Variants in COL4A3 observed in about 807,000 individuals in gnomAD.
The protein encoded by COL4A3 is collagen alpha-3(IV) chain.
Under a neutral mutation model 217.4 loss-of-function variants are expected in COL4A3, and 135 were observed. The observed-to-expected ratio is 0.62, with a 90% CI of 0.54 to 0.72. COL4A3 has a LOEUF of 0.72. COL4A3 is among the 30% of genes least tolerant of loss of function. COL4A3 has a pLI of 0.00. For missense variants in COL4A3, 1,868 were observed against 2,119.9 expected, an observed-to-expected ratio of 0.88 and a Z score of 2.33; for synonymous variants, 690 against 736.3, an observed-to-expected ratio of 0.94 and a Z score of 1.02.
intron 1 of COL4A3, among the ~76,000 whole-genome samples, chr2:227,189,004 A>G (rs565088127): frequency 2.0e-5 from 3 of 152,298 alleles, no homozygotes; most frequent in Admixed American, 1.3e-4. Flanking sequence ...TGATGTCCAC[A>G]CTGAGACTGA....
chr2:227,280,348 G>GC (rs760014377), intron 29 of COL4A3, 92 bp from the exon 30 acceptor site: 3 of 1,426,886 alleles, frequency 2.1e-6, no homozygotes, highest in Non-Finnish European at 9.9e-7. Flanking sequence ...TAGTGGCTGT[G>GC]CAACAGGGAC....
Position 227,303,850 on chromosome 2 carries a change from T to G in COL4A3, c.3956-9T>G, listed in dbSNP as rs201899306. The G allele has an allele frequency of 1.2e-6, 2 of 1,613,894 alleles. No individual in the cohort carries two copies. The highest frequency in any genetic ancestry group is 1.7e-6 in the Non-Finnish European group (2 of 1,179,932). ...AGTGGAATCACACTGTGTCTTTGTTTGTTTTTAGGAGAAAAGGGTAATCCT... is the reference window on the plus strand; with the variant it reads ...AGTGGAATCACACTGTGTCTTTGTTGGTTTTTAGGAGAAAAGGGTAATCCT... On this transcript the variant is annotated splice_polypyrimidine_tract_variant and intron_variant, in intron 44 of 51. Coordinates refer to ENST00000396578, the MANE Select transcript of COL4A3 (RefSeq NM_000091.5).
intron 32 of COL4A3, among the ~76,000 whole-genome samples, chr2:227,283,433 C>A (rs1264596547): frequency 6.6e-6 from 1 of 152,114 alleles, no homozygotes; most frequent in Non-Finnish European, 1.5e-5. Context: ...AATCTAAGTT[C>A]AATTTGAGAC....
At chr2:227,228,209 C>G (rs1222539088) in intron 1 of COL4A3, among the ~76,000 whole-genome samples, 8 of 152,214 alleles carry the variant, frequency 5.3e-5, no homozygotes, top group Admixed American at 4.6e-4. Flanking sequence ...GTGACAGCAG[C>G]TTCAGGGCGG....
chr2:227,225,638 T>C (rs1484238185), intron 1 of COL4A3, among the ~76,000 whole-genome samples: 2 of 126,198 alleles, frequency 1.6e-5, no homozygotes, highest in Non-Finnish European at 3.3e-5. Context: ...GAGGTAGAGA[T>C]TTTTTTTTTT....
Position 227,312,241 on chromosome 2 carries a change from G to A in COL4A3, c.*371G>A, listed in dbSNP as rs1208867027. ...ACATTTGTCTTCTTTCTGTCTTTAA[G>A]ACTCAGGGAGGCTAAATCAGTGTTT... is the stretch of plus-strand genomic sequence containing the variant. On this transcript the variant is annotated 3_prime_UTR_variant, in exon 52 of 52. Transcript: ENST00000396578. 3.6e-6 allele frequency: 1 copy of A among 279,662 alleles called. No individual in the cohort carries two copies. Among genetic ancestry groups the A allele is most frequent in the Admixed American group, 5.0e-5 (1 of 20,090 alleles). 17.3% of individuals were successfully genotyped at this position (279,662 alleles called of 1,614,324 possible).
Position 227,280,446 on chromosome 2 carries a change from C to A in COL4A3, c.2230C>A (p.Pro744Thr), listed in dbSNP as rs1355241282. The stretch of plus-strand genomic sequence containing the variant: ...CACAATTTCTATGCTGTAGGGAGAA[C>A]CAGCAGTAGCCATGCCTGGAGGACC... ...KPGLPGAKGE[P>T]AVAMPGGPGT... The change falls in exon 30 of 52, where the codon CCA becomes ACA. Residue 744 changes from proline to threonine, a missense_variant. By Grantham distance (38) the Pro-to-Thr change is conservative. This residue lies in a region of COL4A3 where 1,503 missense variants were observed against 1,786.1 expected (regional missense o/e 0.84). Transcript: ENST00000396578. The A allele has an allele frequency of 6.2e-7, 1 of 1,614,032 alleles. No individual in the cohort carries two copies. Among genetic ancestry groups the A allele is most frequent in the Admixed American group, 1.7e-5 (1 of 60,018 alleles).
chr2:227,283,943 G>A, intron 33 of COL4A3, 87 bp downstream of exon 33: 5 of 1,226,038 alleles, frequency 4.1e-6, no homozygotes, highest in Non-Finnish European at 6.0e-6. Flanking sequence ...TTTCATTGGA[G>A]GGAAAAATAG....
Position 227,303,866 on chromosome 2 carries a change from G to T in COL4A3, c.3963G>T (p.Lys1321Asn). 2 of 1,614,050 alleles carry T rather than the reference G, an allele frequency of 1.2e-6. No homozygotes were observed. Among genetic ancestry groups the T allele is most frequent in the Non-Finnish European group, 1.7e-6 (2 of 1,180,006 alleles). Residue 1321 changes from lysine (K) to asparagine (N), a missense_variant, in exon 45 of 52, where the codon AAG becomes AAT. Physicochemically the swap from Lys to Asn is moderately conservative, Grantham distance 94 (BLOSUM62 0). Around this residue, in one of 2 missense-constraint regions of COL4A3, gnomAD observed 1,503 missense variants for 1,786.1 expected, o/e 0.84. Transcript: ENST00000396578. ...GTCTTTGTTTGTTTTTAGGAGAAAA[G>T]GGTAATCCTGGATTTCTAGGATCCA... ...FQGFPGVKGE[K>N]GNPGFLGSIG... is the part of the protein sequence containing the mutation.
intron 34 of COL4A3, 148 bp downstream of exon 34, chr2:227,284,493 C>T: frequency 1.1e-6 from 1 of 874,962 alleles, no homozygotes. Context: ...GGTGGCTGAG[C>T]AGGCCTTAGA....
In COL4A3 at chr2:227,193,612, T is replaced by C. The variant is rs1246030602; in HGVS notation, c.87+28799T>C. Among the ~76,000 whole-genome samples, 11 of 152,164 alleles carry C rather than the reference T, an allele frequency of 7.2e-5. No individual in the cohort carries two copies. The East Asian group carries it at 2.1e-3, about 29-fold the overall frequency. ...CTGTAATCCCAGCTACTTGGGAGGT[T>C]GAGGCAGGAGAATCTCTTGAACCAG... is the stretch of plus-strand genomic sequence containing the variant. On this transcript the variant is annotated intron_variant, in intron 1 of 51. Coordinates refer to ENST00000396578, the MANE Select transcript of COL4A3 (RefSeq NM_000091.5).
chr2:227,307,731 T>G lies in COL4A3; in HGVS notation c.4274T>G (p.Leu1425Trp). Reference sequence around the variant, plus strand: ...GAAGGACCAGCTGGATCAGATGGATTGCCAGGTTTGAAAGGAAAACGTGGA... The same window carrying G: ...GAAGGACCAGCTGGATCAGATGGATGGCCAGGTTTGAAAGGAAAACGTGGA... The part of the protein sequence containing the change: ...GEPGPAGSDG[L>W]PGLKGKRGDS... The change falls in exon 48 of 52, where the codon TTG becomes TGG. Residue 1425 changes from leucine (L) to tryptophan (W), a missense_variant. Coordinates refer to ENST00000396578, the MANE Select transcript of COL4A3 (RefSeq NM_000091.5). 1 of 1,614,172 alleles carries G rather than the reference T, an allele frequency of 6.2e-7. No homozygotes were observed. Among genetic ancestry groups the G allele is most frequent in the African/African-American group, 1.3e-5 (1 of 75,048 alleles).
At chr2:227,266,261 G>C (rs2070883476) in intron 21 of COL4A3, among the ~76,000 whole-genome samples, 156 bp from the exon 22 acceptor site, 2 of 152,060 alleles carry the variant, frequency 1.3e-5, no homozygotes, top group African/African-American at 2.4e-5. Flanking sequence ...GGGAAGAGCT[G>C]GTCACCATGC....
intron 42 of COL4A3, 27 bp from the exon 43 acceptor site, chr2:227,298,655 A>C: frequency 2.5e-6 from 4 of 1,613,016 alleles, no homozygotes; most frequent in Non-Finnish European, 3.4e-6. Flanking sequence ...CTGGCTGGCA[A>C]TACTGACAGA....
At chr2:227,184,589 T>G (rs2065957086) in intron 1 of COL4A3, among the ~76,000 whole-genome samples, 1 of 152,224 alleles carries the variant, frequency 6.6e-6, no homozygotes, top group Admixed American at 6.5e-5. Flanking sequence ...TTCCAAGTCT[T>G]TCTTTATTAA....
chr2:227,279,735 C>A, intron 28 of COL4A3, 58 bp from the exon 29 acceptor site: 2 of 1,229,040 alleles, frequency 1.6e-6, no homozygotes, highest in Non-Finnish European at 2.3e-6. Flanking sequence ...AGAGTTACTG[C>A]TCAGAATATT....
At chr2:227,200,287 G>A (rs925428754) in intron 1 of COL4A3, among the ~76,000 whole-genome samples, 1 of 152,088 alleles carries the variant, frequency 6.6e-6, no homozygotes, top group Non-Finnish European at 1.5e-5. Flanking sequence ...GAACATTCTT[G>A]AACATCCACT....
chr2:227,312,612 T>A lies in COL4A3; in HGVS notation c.*742T>A, dbSNP rs2073783025. ...TGCTTGTATTCCAAGCATATAAAAT[T>A]TTCCCCCTTAGTGAATTAGTTTTAA... is the stretch of plus-strand genomic sequence containing the variant. On this transcript the variant is annotated 3_prime_UTR_variant, in exon 52 of 52. Transcript: ENST00000396578. 1 of 152,606 alleles carries A rather than the reference T, an allele frequency of 6.6e-6. No individual in the cohort carries two copies. The highest frequency in any genetic ancestry group is 2.4e-5 in the African/African-American group (1 of 41,464). The allele number at this position is 152,606 out of a possible 1,614,324, so 9.5% of individuals were successfully genotyped here.
chr2:227,262,072 AAATT>A (rs1398182764), intron 20 of COL4A3, among the ~76,000 whole-genome samples: 26 of 152,220 alleles, frequency 1.7e-4, no homozygotes, highest in African/African-American at 6.0e-4. Flanking sequence ...ATAATTTTGA[AAATT>A]AATCAAAATA....
Sources: gnomAD v4.1 joint callset for allele counts (sites outside exome capture counted in the v4.1 genomes callset) on GRCh38, gnomAD v4.1.1 for gene constraint, gnomAD v4.1.1 regional missense constraint, MANE v1.5 for transcripts, NCBI Gene and HGNC (gene_info 2026-07-23, HGNC 2026-07-21) for gene names.